The following SLC7A8 variants were observed in gnomAD, a reference collection of about 807,000 sequenced individuals.
SLC7A8 encodes the protein large neutral amino acids transporter small subunit 2.
In SLC7A8, 30 loss-of-function variants were observed where a neutral mutation model predicts 51.2. The observed-to-expected ratio is 0.59, with a 90% CI of 0.44 to 0.80. The LOEUF (loss-of-function observed/expected upper bound fraction) is 0.80, where lower values mean the gene tolerates loss of function less well. Ranked by LOEUF, SLC7A8 falls within the 30% of genes least tolerant of loss-of-function variation. SLC7A8 has a pLI of 0.00. For synonymous variants in SLC7A8, 257 were observed against 275.8 expected, an observed-to-expected ratio of 0.93 and a Z score of 0.67; for missense variants, 612 against 674.4, an observed-to-expected ratio of 0.91 and a Z score of 1.03.
intron 1 of SLC7A8, among the ~76,000 whole-genome samples, chr14:23,173,202 GAC>G (rs1319138666): frequency 6.6e-6 from 1 of 152,186 alleles, no homozygotes; most frequent in African/African-American, 2.4e-5. Context: ...GGAAAGGGAA[GAC>G]ACATGTGCAC....
In SLC7A8 at chr14:23,128,249, G is replaced by C; in HGVS notation, c.1264-53C>G. 6.2e-7 allele frequency: 1 copy of C among 1,604,662 alleles called. No individual in the cohort carries two copies. Among genetic ancestry groups the C allele is most frequent in the Non-Finnish European group, 8.5e-7 (1 of 1,175,710 alleles). On this transcript the variant is annotated intron_variant, in intron 9 of 10. Coordinates refer to ENST00000316902, the MANE Select transcript of SLC7A8 (RefSeq NM_012244.4). The surrounding 1 kb of genome is among the most constrained non-coding windows in gnomAD (Gnocchi z 4.3). ...AACTGTGTAGGCCACGTGGCCCCCA[G>C]GACTAGGGACTGGGGCATTCTCTCT...
At chr14:23,132,253 C>T (rs1025287610) in intron 7 of SLC7A8, among the ~76,000 whole-genome samples, 6 of 152,166 alleles carry the variant, frequency 3.9e-5, no homozygotes, top group Admixed American at 1.3e-4. Context: ...CCACTTGCCT[C>T]GGCCTCCCAA....
intron 7 of SLC7A8, among the ~76,000 whole-genome samples, chr14:23,136,268 C>T (rs2048689257): frequency 6.6e-6 from 1 of 152,178 alleles, no homozygotes; most frequent in African/African-American, 2.4e-5. Flanking sequence ...GTCCCCTCTC[C>T]CATGCTACTG....
intron 3 of SLC7A8, chr14:23,156,364 ATCT>A (rs2140329452): frequency 6.6e-6 from 1 of 152,302 alleles, no homozygotes; most frequent in East Asian, 1.9e-4. Flanking sequence ...GGCCATGCTA[ATCT>A]TCTCTGTACT....
chr14:23,166,679 G>T, intron 1 of SLC7A8, 139 bp from the exon 2 acceptor site: 1 of 835,818 alleles, frequency 1.2e-6, no homozygotes, highest in South Asian at 1.6e-5. Context: ...AGGCAGGTGT[G>T]CCTAGCAATA....
intron 3 of SLC7A8, among the ~76,000 whole-genome samples, chr14:23,158,848 C>T (rs76129381): frequency 0.021 from 3,134 of 152,294 alleles, 100 homozygotes; most frequent in African/African-American, 0.071. Context: ...GCTACCATCT[C>T]TCTGGCCTGG....
Position 23,132,882 on chromosome 14 carries a change from C to T in SLC7A8, c.1017-1325G>A, listed in dbSNP as rs189665410. 2.0e-4 allele frequency among the ~76,000 whole-genome samples: 31 copies of T among 151,798 alleles called. No homozygotes were observed. The South Asian group carries it at 2.7e-3, about 13-fold the overall frequency. ...AACTCCCGACCTCAGGTGATCTGCC[C>T]GCCTCGGCCTCCCAAAGTACTGGGA... On this transcript the variant is annotated intron_variant, in intron 7 of 10. Transcript: ENST00000316902.
In SLC7A8 at chr14:23,129,798, C is replaced by A. The variant is rs538800501; in HGVS notation, c.1115G>T (p.Cys372Phe). 6 of 1,613,876 alleles carry A rather than the reference C, an allele frequency of 3.7e-6. No homozygotes were observed. The Admixed American group carries it at 6.7e-5, about 18-fold the overall frequency. ...CTPIPALLFT[C>F]ISTLLMLVTS... ...GACCAGCATCAGCAGGGTGGAGATG[C>A]ACTGGGAAAGTGGGAGGAGCTCATC... Residue 372 changes from cysteine to phenylalanine, a missense_variant and splice_region_variant, in exon 9 of 11, where the codon TGC becomes TTC. Transcript: ENST00000316902.
chr14:23,153,369 C>T (rs1049463654), intron 3 of SLC7A8, among the ~76,000 whole-genome samples: 1 of 152,194 alleles, frequency 6.6e-6, no homozygotes, highest in African/African-American at 2.4e-5. Flanking sequence ...GTTGCTTGTT[C>T]TGCCTCTGCC....
intron 1 of SLC7A8, among the ~76,000 whole-genome samples, chr14:23,168,053 C>A (rs994202151): frequency 2.6e-5 from 4 of 152,118 alleles, no homozygotes; most frequent in African/African-American, 9.7e-5. Context: ...GGGAGTCTTT[C>A]CCAACAGAAC....
intron 1 of SLC7A8, among the ~76,000 whole-genome samples, chr14:23,175,112 C>A (rs1008342658): frequency 2.0e-5 from 3 of 152,220 alleles, no homozygotes; most frequent in African/African-American, 7.2e-5. Context: ...AGATGCCCCA[C>A]ACCTCTACCC....
rs117572654 is a variant in SLC7A8 at position 23,172,522 on chromosome 14, G to A, written c.152-5982C>T. ...CAGGCATCGTAGCCTGGGGGTGGTG[G>A]GGGGCTGAGTGTTGCGCCCTCAAAT... On this transcript the variant is annotated intron_variant, in intron 1 of 10. Coordinates refer to ENST00000316902, the MANE Select transcript of SLC7A8 (RefSeq NM_012244.4). 8.4e-4 allele frequency among the ~76,000 whole-genome samples: 128 copies of A among 152,276 alleles called. 5 individuals carry two copies. In the East Asian group the frequency reaches 0.022, roughly 26 times the overall value.
rs963303938 is a variant in SLC7A8 at position 23,125,863 on chromosome 14, A to G, written c.*1314T>C. On this transcript the variant is annotated 3_prime_UTR_variant, in exon 11 of 11. Transcript: ENST00000316902. ...CATAGCCTTCCTTTGAAGCCCAGGG[A>G]AAGGTCAGAGGCTGCCAGCCACAGA... 2.0e-5 allele frequency: 3 copies of G among 152,692 alleles called. No individual in the cohort carries two copies. Among genetic ancestry groups the G allele is most frequent in the Non-Finnish European group, 4.4e-5 (3 of 68,100 alleles). The allele number at this position is 152,692 out of a possible 1,614,324, so 9.5% of individuals were successfully genotyped here. A position where few individuals can be genotyped will look rare whatever the true frequency, so the allele number is the denominator to read the frequency against.
chr14:23,179,906 CT>C (rs33938109), intron 1 of SLC7A8, among the ~76,000 whole-genome samples: 48,647 of 130,690 alleles, frequency 0.37, 8,439 homozygotes, highest in African/African-American at 0.57. Flanking sequence ...CTCTTTTTGA[CT>C]TTTTTTTTTT....
At chr14:23,170,457 G>A (rs1008601258) in intron 1 of SLC7A8, among the ~76,000 whole-genome samples, 4 of 151,664 alleles carry the variant, frequency 2.6e-5, no homozygotes, top group Non-Finnish European at 5.9e-5. Context: ...TGTTTCTTTC[G>A]TTCTTTCTTT....
intron 3 of SLC7A8, among the ~76,000 whole-genome samples, chr14:23,144,274 A>AC (rs2048770258): frequency 6.9e-6 from 1 of 145,138 alleles, no homozygotes; most frequent in Non-Finnish European, 1.5e-5. Context: ...TTGCATTCCT[A>AC]CTCTCATGTC....
At chr14:23,168,642 T>C (rs1158453048) in intron 1 of SLC7A8, among the ~76,000 whole-genome samples, 1 of 152,160 alleles carries the variant, frequency 6.6e-6, no homozygotes, top group Admixed American at 6.5e-5. Flanking sequence ...GAGGAGTGTA[T>C]AGCTAGGTGC....
intron 1 of SLC7A8, among the ~76,000 whole-genome samples, chr14:23,169,175 C>G (rs534836841): frequency 6.6e-6 from 1 of 152,042 alleles, no homozygotes; most frequent in East Asian, 1.9e-4. Context: ...ATAGGGAGAT[C>G]CTATCTCTAA....
chr14:23,176,698 T>G (rs1054014950), intron 1 of SLC7A8, among the ~76,000 whole-genome samples: 1 of 152,064 alleles, frequency 6.6e-6, no homozygotes, highest in Non-Finnish European at 1.5e-5. Context: ...TCCCAGCACT[T>G]TGGGAGGCCA....
Sources: allele counts gnomAD v4.1 joint callset (sites outside exome capture counted in the v4.1 genomes callset), GRCh38; gene constraint gnomAD v4.1.1; non-coding constraint Gnocchi (gnomAD v3.1); transcripts MANE v1.5; gene names NCBI Gene and HGNC (gene_info 2026-07-23, HGNC 2026-07-21).